Variants in SHLD2 observed in about 807,000 individuals in gnomAD.
SHLD2 encodes shieldin complex subunit 2, also known as RINN1-REV7-interacting novel NHEJ regulator 2.
In SHLD2, 30 loss-of-function variants were observed where a neutral mutation model predicts 73.2. The observed-to-expected ratio is 0.41, with a 90% CI of 0.31 to 0.56. The LOEUF is 0.56. Among genes scored for constraint, SHLD2 ranks in the 20% least tolerant of loss-of-function variants. The pLI is 0.28. For missense variants in SHLD2, 745 were observed against 1,055.9 expected, an observed-to-expected ratio of 0.71 and a Z score of 4.08; for synonymous variants, 285 against 370.1, an observed-to-expected ratio of 0.77 and a Z score of 2.64.
At chr10:87,148,092 C>T (rs1564597001) in intron 2 of SHLD2, among the ~76,000 whole-genome samples, 1 of 152,188 alleles carries the variant, frequency 6.6e-6, no homozygotes, top group Non-Finnish European at 1.5e-5. Flanking sequence ...CTCAGGTGAT[C>T]CACTTGCCTC....
chr10:87,131,917 G>T (rs570832936), intron 2 of SHLD2, among the ~76,000 whole-genome samples: 1 of 152,270 alleles, frequency 6.6e-6, no homozygotes, highest in East Asian at 1.9e-4. Flanking sequence ...ATTCTAGTGG[G>T]TGTAAAGTGG....
At chr10:87,155,409 G>A (rs1380181411) in intron 3 of SHLD2, among the ~76,000 whole-genome samples, 1 of 151,798 alleles carries the variant, frequency 6.6e-6, no homozygotes, top group Non-Finnish European at 1.5e-5. Flanking sequence ...CTCTTTGCTT[G>A]TGATTTGGCT....
intron 2 of SHLD2, among the ~76,000 whole-genome samples, chr10:87,126,199 C>T (rs1476146099): frequency 6.6e-6 from 1 of 152,122 alleles, no homozygotes; most frequent in Non-Finnish European, 1.5e-5. Context: ...CCAACCCAGC[C>T]TCCCAAGTAG....
At chr10:87,115,841 C>G (rs2134037006) in intron 2 of SHLD2, among the ~76,000 whole-genome samples, 1 of 152,206 alleles carries the variant, frequency 6.6e-6, no homozygotes, top group South Asian at 2.1e-4. Flanking sequence ...GGAATATCAG[C>G]TCTAAAGGTT....
rs977341842 is a variant in SHLD2, at chr10:87,135,146, A to AT, written c.-5-16194dup. Reference sequence around the variant, plus strand: ...AGTTTTTCCTATTTTTATTTAATTTATTTTTTTTTTAGTTTTTCCTATTTT... The same window carrying AT: ...AGTTTTTCCTATTTTTATTTAATTTATTTTTTTTTTTAGTTTTTCCTATTTT... On this transcript the variant is annotated intron_variant, in intron 2 of 9. Coordinates refer to ENST00000298786, the MANE Select transcript of SHLD2 (RefSeq NM_001330112.2). 4.4e-3 allele frequency among the ~76,000 whole-genome samples: 654 copies of AT among 149,142 alleles called. 6 individuals are homozygous for AT. Among genetic ancestry groups the AT allele is most frequent in the African/African-American group, 0.014 (589 of 40,724 alleles).
rs1846054548 is a variant in SHLD2 at position 87,152,078 on chromosome 10, T to C, written c.724T>C (p.Phe242Leu). The C allele has an allele frequency of 6.2e-7, 1 of 1,611,968 alleles. No individual in the cohort carries two copies. Among genetic ancestry groups the C allele is most frequent in the Non-Finnish European group, 8.5e-7 (1 of 1,179,826 alleles). ...CCTTAAAATATCAACTGATACAGAA[T>C]TTCTCAGTATAATTACCTCCAGCCA... is the stretch of plus-strand genomic sequence containing the variant. ...SDLKISTDTE[F>L]LSIITSSQVA... is the part of the protein sequence containing the mutation. The change falls in exon 3 of 10, where the codon TTT becomes CTT. Residue 242 changes from phenylalanine (F) to leucine (L), a missense_variant. Around this residue, in one of 5 missense-constraint regions of SHLD2, gnomAD observed 280 missense variants for 353.9 expected, o/e 0.79. Transcript: ENST00000298786.
chr10:87,139,045 A>G (rs1185928463), intron 2 of SHLD2, among the ~76,000 whole-genome samples: 1 of 152,272 alleles, frequency 6.6e-6, no homozygotes, highest in Non-Finnish European at 1.5e-5. Flanking sequence ...TTGGACACTC[A>G]TCTGCACATG....
In SHLD2 at chr10:87,175,409, G is replaced by A. The variant is rs1043241644; in HGVS notation, c.1964-480G>A. Among the ~76,000 whole-genome samples the A allele has an allele frequency of 8.6e-5, 13 of 151,420 alleles. No homozygotes were observed. The South Asian group carries it at 1.9e-3, about 22-fold the overall frequency. On this transcript the variant is annotated intron_variant, in intron 6 of 9. Transcript: ENST00000298786. ...TTATTAAAATTATCTCTGGTGGCCC[G>A]GCACGGAGGCTTATGCCTGTAATCC...
chr10:87,169,051 C>CA (rs1312462097), intron 4 of SHLD2, among the ~76,000 whole-genome samples: 1 of 152,142 alleles, frequency 6.6e-6, no homozygotes, highest in Non-Finnish European at 1.5e-5. Flanking sequence ...AGTCAAAGAT[C>CA]AACACAATGT....
At chr10:87,095,834 G>A (rs1841823787) in intron 1 of SHLD2, among the ~76,000 whole-genome samples, 1 of 152,184 alleles carries the variant, frequency 6.6e-6, no homozygotes, top group Non-Finnish European at 1.5e-5. Flanking sequence ...GGGAGGTCGA[G>A]GCTGGAGGAT....
At chr10:87,122,485 C>T (rs1434724016) in intron 2 of SHLD2, among the ~76,000 whole-genome samples, 2 of 151,866 alleles carry the variant, frequency 1.3e-5, no homozygotes, top group African/African-American at 4.8e-5. Flanking sequence ...TAGTTTCTGT[C>T]TGTAGTGATA....
intron 4 of SHLD2, among the ~76,000 whole-genome samples, chr10:87,163,801 G>A (rs1846991078): frequency 6.6e-6 from 1 of 150,426 alleles, no homozygotes; most frequent in Admixed American, 6.6e-5. Context: ...CAGAAATATA[G>A]GCATGTGTAT....
chr10:87,160,285 G>A (rs559144079), intron 4 of SHLD2, among the ~76,000 whole-genome samples: 9 of 152,068 alleles, frequency 5.9e-5, no homozygotes, highest in Admixed American at 3.3e-4. Context: ...CCAGGAGCTC[G>A]ACACCAGCCT....
intron 6 of SHLD2, among the ~76,000 whole-genome samples, chr10:87,172,785 A>T (rs776279714): frequency 1.3e-5 from 2 of 151,302 alleles, no homozygotes; most frequent in African/African-American, 2.4e-5. Flanking sequence ...CTTTATATAT[A>T]ATAGTATCTC....
upstream of SHLD2, chr10:87,094,778 G>A (rs1300670632): frequency 1.3e-6 from 2 of 1,531,976 alleles, no homozygotes; most frequent in South Asian, 1.2e-5. This position sits in a 1 kb window ranked among gnomAD's most constrained non-coding sequence, Gnocchi z 6.6. Flanking sequence ...ATGGCCACAA[G>A]CGGAGGGGAG....
At chr10:87,096,712 C>T (rs1384539673) in intron 1 of SHLD2, among the ~76,000 whole-genome samples, 1 of 152,146 alleles carries the variant, frequency 6.6e-6, no homozygotes, top group East Asian at 1.9e-4. Flanking sequence ...TGGTGCTTCC[C>T]GATATGTTCA....
intron 2 of SHLD2, among the ~76,000 whole-genome samples, chr10:87,140,474 A>G (rs1238049502): frequency 6.6e-6 from 1 of 151,778 alleles, no homozygotes; most frequent in Admixed American, 6.6e-5. Flanking sequence ...ATGGTGGCTC[A>G]TGCCTGTAAT....
At chr10:87,150,061 A>ATTTTT (rs569408745) in intron 2 of SHLD2, among the ~76,000 whole-genome samples, 2 of 114,952 alleles carry the variant, frequency 1.7e-5, no homozygotes, top group African/African-American at 3.4e-5. Context: ...AAAATGAGTA[A>ATTTTT]TTTTTTTTTT....
intron 2 of SHLD2, among the ~76,000 whole-genome samples, chr10:87,104,161 C>T (rs532476048): frequency 2.0e-5 from 3 of 151,236 alleles, no homozygotes; most frequent in Non-Finnish European, 2.9e-5. Context: ...CGCTTGAACC[C>T]GGGAGGCGGA....
Sources: gnomAD v4.1 joint callset for allele counts (sites outside exome capture counted in the v4.1 genomes callset) on GRCh38, gnomAD v4.1.1 for gene constraint, gnomAD v4.1.1 regional missense constraint, Gnocchi (gnomAD v3.1) non-coding constraint, MANE v1.5 for transcripts, NCBI Gene and HGNC (gene_info 2026-07-23, HGNC 2026-07-21) for gene names.